FOLH1: variants seen among roughly 807,000 people sequenced by gnomAD.
FOLH1 encodes the protein glutamate carboxypeptidase 2.
In FOLH1, 54 loss-of-function variants were observed where a neutral mutation model predicts 93.9. That is an observed-to-expected ratio of 0.57 (90% confidence interval 0.46 to 0.72). The LOEUF (loss-of-function observed/expected upper bound fraction) is 0.72, where lower values mean the gene tolerates loss of function less well. Ranked by LOEUF, FOLH1 falls within the 30% of genes least tolerant of loss-of-function variation. FOLH1 has a pLI of 0.00. For synonymous variants in FOLH1, 249 were observed against 303.6 expected (o/e 0.82, Z 1.87); for missense variants, 571 against 892.5 (o/e 0.64, Z 4.59).
intron 17 of FOLH1, among the ~76,000 whole-genome samples, chr11:49,149,218 T>G (rs1590397442): frequency 6.6e-6 from 1 of 152,076 alleles, no homozygotes; most frequent in African/African-American, 2.4e-5. Context: ...CCAAACAAAT[T>G]AAATTGATCT....
rs558239964 is a variant in FOLH1, at chr11:49,189,155, C to T, written c.514-2386G>A. Among the ~76,000 whole-genome samples the T allele has an allele frequency of 5.8e-4, 89 of 152,170 alleles. No homozygotes were observed. In the South Asian group the frequency reaches 9.8e-3, roughly 17 times the overall value. On this transcript the variant is annotated intron_variant, in intron 4 of 18. Coordinates refer to ENST00000256999, the MANE Select transcript of FOLH1 (RefSeq NM_004476.3). Reference sequence around the variant, plus strand: ...CTTGTAAATAGGGAGCAGGACCTCACGACAGGCTAGCTTTCAATACCATGA... The same window carrying T: ...CTTGTAAATAGGGAGCAGGACCTCATGACAGGCTAGCTTTCAATACCATGA...
At chr11:49,159,430 C>A (rs972694638) in intron 13 of FOLH1, among the ~76,000 whole-genome samples, 1 of 152,156 alleles carries the variant, frequency 6.6e-6, no homozygotes, top group Non-Finnish European at 1.5e-5. Context: ...TGATTAACTG[C>A]ATTTATTGAT....
intron 4 of FOLH1, among the ~76,000 whole-genome samples, chr11:49,191,591 T>C (rs970180872): frequency 6.6e-6 from 1 of 152,260 alleles, no homozygotes; most frequent in Non-Finnish European, 1.5e-5. Flanking sequence ...TGGAAGATTT[T>C]AATTGGGTAT....
chr11:49,206,973 A>G, intron 1 of FOLH1: 1 of 580,328 alleles, frequency 1.7e-6, no homozygotes, highest in Non-Finnish European at 3.1e-6. Context: ...GCTTTCATGG[A>G]GCTTTCCAAT....
intron 7 of FOLH1, among the ~76,000 whole-genome samples, chr11:49,182,328 C>CAAAAAA (rs59966842): frequency 5.0e-5 from 3 of 59,966 alleles, no homozygotes; most frequent in Admixed American, 2.8e-4. Context: ...GACACTGTCT[C>CAAAAAA]AAAAAAAAAA....
intron 4 of FOLH1, among the ~76,000 whole-genome samples, chr11:49,192,497 A>C (rs1419269384): frequency 6.6e-6 from 1 of 152,232 alleles, no homozygotes; most frequent in Non-Finnish European, 1.5e-5. Context: ...AGTGAAGGTC[A>C]TATGCTGTAC....
chr11:49,158,965 T>G (rs1351098211), intron 13 of FOLH1, among the ~76,000 whole-genome samples: 1 of 152,192 alleles, frequency 6.6e-6, no homozygotes, highest in Non-Finnish European at 1.5e-5. Context: ...ATGCTAGCAA[T>G]TTTTGTACAT....
rs536766157 is a variant in FOLH1 at position 49,183,666 on chromosome 11, A to G, written c.827-424T>C. Reference sequence around the variant, plus strand: ...AAACAATCCGTAGTATAATCCCACAATGGAATGCTACTCAATCATCAAAAG... The same window carrying G: ...AAACAATCCGTAGTATAATCCCACAGTGGAATGCTACTCAATCATCAAAAG... On this transcript the variant is annotated intron_variant, in intron 6 of 18. Transcript: ENST00000256999. Among the ~76,000 whole-genome samples, 4 of 152,316 alleles carry G rather than the reference A, an allele frequency of 2.6e-5. No individual in the cohort carries two copies. In the South Asian group the frequency reaches 6.2e-4, roughly 24 times the overall value.
At position 49,170,576 on chromosome 11, in the gene FOLH1, C is replaced by T. The variant is rs1859139470; in HGVS notation, c.1308+619G>A. On this transcript the variant is annotated intron_variant, in intron 11 of 18. Coordinates refer to ENST00000256999, the MANE Select transcript of FOLH1 (RefSeq NM_004476.3). ...GCTTCAGTGAGCAGAAATCACATCA[C>T]TGTACTCCAGCCTGGGCAACAGAGC... Among the ~76,000 whole-genome samples, 3 of 152,180 alleles carry T rather than the reference C, an allele frequency of 2.0e-5. No homozygotes were observed. In the South Asian group the frequency reaches 6.2e-4, roughly 31 times the overall value.
At chr11:49,181,107 A>AT (rs35889777) in intron 7 of FOLH1, among the ~76,000 whole-genome samples, 3,548 of 133,276 alleles carry the variant, frequency 0.027, 137 homozygotes, top group African/African-American at 0.085. Flanking sequence ...CATGTTTTAA[A>AT]TTTTTTTTTT....
At position 49,200,344 on chromosome 11, in the gene FOLH1, C is replaced by A; in HGVS notation, c.322G>T (p.Val108Phe). Reference protein sequence around the residue: ...SQWKEFGLDSVELAHYDVLLS... With the variant: ...SQWKEFGLDSFELAHYDVLLS... Reference sequence around the variant, plus strand: ...AGGACATCATAATGTGCTAGCTCAACAGAATCCAGGCCAAATTCTTTCCAC... The same window carrying A: ...AGGACATCATAATGTGCTAGCTCAAAAGAATCCAGGCCAAATTCTTTCCAC... Residue 108 changes from valine to phenylalanine, a missense_variant, in exon 3 of 19, where the codon GTT becomes TTT. Coordinates refer to ENST00000256999, the MANE Select transcript of FOLH1 (RefSeq NM_004476.3). The A allele has an allele frequency of 6.2e-7, 1 of 1,613,476 alleles. No homozygotes were observed. Among genetic ancestry groups the A allele is most frequent in the East Asian group, 2.2e-5 (1 of 44,788 alleles).
chr11:49,152,326 C>G (rs1280451702), intron 17 of FOLH1, among the ~76,000 whole-genome samples: 1 of 152,122 alleles, frequency 6.6e-6, no homozygotes, highest in African/African-American at 2.4e-5. Flanking sequence ...AAGCACAGGA[C>G]TCTGTGACAG....
intron 13 of FOLH1, among the ~76,000 whole-genome samples, chr11:49,160,555 G>A (rs1290568730): frequency 6.6e-6 from 1 of 151,954 alleles, no homozygotes; most frequent in Non-Finnish European, 1.5e-5. Flanking sequence ...CGATTCTCCT[G>A]CCTCAGCCTC....
At chr11:49,160,912 C>T (rs892459415) in intron 13 of FOLH1, among the ~76,000 whole-genome samples, 2 of 152,150 alleles carry the variant, frequency 1.3e-5, no homozygotes, top group African/African-American at 4.8e-5. Context: ...CATTCAGGAG[C>T]AGGTTATTCA....
chr11:49,170,201 A>T (rs1035590728), intron 11 of FOLH1, among the ~76,000 whole-genome samples: 1 of 152,226 alleles, frequency 6.6e-6, no homozygotes, highest in African/African-American at 2.4e-5. Context: ...CCAACAATAC[A>T]TGCAGGTAAA....
Position 49,173,345 on chromosome 11 carries a change from T to C in FOLH1, c.1225+12A>G, listed in dbSNP as rs180927084. The C allele has an allele frequency of 6.9e-4, 1,110 of 1,604,628 alleles. 7 individuals carry two copies. In the African/African-American group the frequency reaches 0.013, roughly 19 times the overall value. On this transcript the variant is annotated intron_variant, in intron 10 of 18. Coordinates refer to ENST00000256999, the MANE Select transcript of FOLH1 (RefSeq NM_004476.3). ...ATAGGCTGTTTTTTTTCTTGCTGTT[T>C]GTTTGTATTACCTTCCTTTTTCAGT...
chr11:49,185,748 A>C lies in FOLH1; in HGVS notation c.747T>G (p.Pro249=). The change falls in exon 6 of 19, where the codon CCT becomes CCG. Residue 249 remains proline, a synonymous_variant. Transcript: ENST00000256999. ...VKSYPDGWNL[P]GGGVQRGNIL... is the part of the protein sequence containing the mutation. ...TATTTCCACGCTGGACACCACCTCC[A>C]GGAAGATTCCAACCATCTGGATAGG... The C allele has an allele frequency of 1.2e-6, 2 of 1,613,408 alleles. No homozygotes were observed. The highest frequency in any genetic ancestry group is 8.5e-7 in the Non-Finnish European group (1 of 1,179,684).
At chr11:49,171,709 TC>T (rs1859323797) in intron 10 of FOLH1, among the ~76,000 whole-genome samples, 1 of 152,082 alleles carries the variant, frequency 6.6e-6, no homozygotes, top group African/African-American at 2.4e-5. Context: ...TATCAGCTGG[TC>T]CGTATGATTT....
At chr11:49,169,373 C>T (rs975922082) in intron 11 of FOLH1, 115 bp from the exon 12 acceptor site, 29 of 925,452 alleles carry the variant, frequency 3.1e-5, no homozygotes, top group East Asian at 5.6e-5. Flanking sequence ...CCCATATTAA[C>T]GACAAATTTG....
Sources: allele counts gnomAD v4.1 joint callset (sites outside exome capture counted in the v4.1 genomes callset), GRCh38; gene constraint gnomAD v4.1.1; transcripts MANE v1.5; gene names NCBI Gene and HGNC (gene_info 2026-07-23, HGNC 2026-07-21).